KIAA1217: variants seen among roughly 807,000 people sequenced by gnomAD.
The protein encoded by KIAA1217 is sickle tail protein homolog.
KIAA1217 carries 88 observed loss-of-function variants against 163.9 expected under a neutral mutation model. That is an observed-to-expected ratio of 0.54 (90% confidence interval 0.45 to 0.64). KIAA1217 has a LOEUF of 0.64. Ranked by LOEUF, KIAA1217 falls within the 30% of genes least tolerant of loss-of-function variation. The pLI is 0.00. For missense variants in KIAA1217, 2,372 were observed against 2,475.0 expected, an observed-to-expected ratio of 0.96 and a Z score of 0.88; for synonymous variants, 903 against 923.1, an observed-to-expected ratio of 0.98 and a Z score of 0.39.
intron 2 of KIAA1217, among the ~76,000 whole-genome samples, chr10:24,073,143 A>G (rs970187540): frequency 6.6e-5 from 10 of 152,138 alleles, no homozygotes; most frequent in African/African-American, 2.4e-4. Flanking sequence ...AGAACCAAGC[A>G]TACTCAATTT....
intron 1 of KIAA1217, among the ~76,000 whole-genome samples, chr10:23,744,302 CA>C (rs1320099501): frequency 6.6e-6 from 1 of 152,132 alleles, no homozygotes; most frequent in Non-Finnish European, 1.5e-5. Context: ...TGGGTGACCC[CA>C]GAAGAGGATC....
rs146277797 is a variant in KIAA1217 at position 24,225,301 on chromosome 10, A to G, written c.354+5392A>G. Among the ~76,000 whole-genome samples, 560 of 152,134 alleles carry G rather than the reference A, an allele frequency of 3.7e-3. 3 individuals carry two copies. The highest frequency in any genetic ancestry group is 0.013 in the African/African-American group (531 of 41,504). ...CCACTTCTGGCCAGTTTTAAAAATT[A>G]TTTGTAGGGACAGGGTCTTGCTGTG... On this transcript the variant is annotated intron_variant, in intron 2 of 20. Transcript: ENST00000376454.
intron 1 of KIAA1217, among the ~76,000 whole-genome samples, chr10:23,881,846 C>T (rs926757309): frequency 6.6e-6 from 1 of 151,844 alleles, no homozygotes; most frequent in Non-Finnish European, 1.5e-5. Context: ...ATCCCCCATA[C>T]ACCCTTAAGA....
intron 3 of KIAA1217, among the ~76,000 whole-genome samples, chr10:24,389,082 G>A (rs1227570987): frequency 6.6e-6 from 1 of 152,014 alleles, no homozygotes; most frequent in African/African-American, 2.4e-5. Flanking sequence ...TATAAATCAT[G>A]CTGCTATAAA....
intron 1 of KIAA1217, among the ~76,000 whole-genome samples, chr10:23,776,734 G>A (rs908054564): frequency 3.0e-5 from 4 of 131,228 alleles, no homozygotes; most frequent in African/African-American, 8.8e-5. Flanking sequence ...AGGCTGGAAT[G>A]CAGTGGTGTG....
At chr10:23,912,376 G>T (rs921252440) in intron 1 of KIAA1217, among the ~76,000 whole-genome samples, 5 of 147,226 alleles carry the variant, frequency 3.4e-5, no homozygotes, top group African/African-American at 1.3e-4. Flanking sequence ...GGTTATACGT[G>T]CATGTTTGTT....
rs118075601 is a variant in KIAA1217 at position 24,211,233 on chromosome 10, G to C, written c.70+1970G>C. Among the ~76,000 whole-genome samples the C allele has an allele frequency of 1.0e-2, 1,518 of 152,228 alleles. 14 individuals carry two copies. The highest frequency in any genetic ancestry group is 0.026 in the South Asian group (123 of 4,818). ...GTTTTCAAAGAACAGCAAGAACATG[G>C]GAGAAGGATGGGAGGAAAAGAGATT... On this transcript the variant is annotated intron_variant, in intron 1 of 20. Coordinates refer to ENST00000376454, the MANE Select transcript of KIAA1217 (RefSeq NM_019590.5).
chr10:24,357,603 G>A (rs897348346), intron 2 of KIAA1217, among the ~76,000 whole-genome samples: 27 of 152,246 alleles, frequency 1.8e-4, no homozygotes, highest in South Asian at 2.1e-4. Flanking sequence ...ATAATGAGAG[G>A]GAAATAGAAA....
intron 2 of KIAA1217, among the ~76,000 whole-genome samples, chr10:24,261,202 T>C (rs191164548): frequency 2.0e-5 from 3 of 152,256 alleles, no homozygotes; most frequent in South Asian, 4.1e-4. Context: ...CATTGTCTTA[T>C]AGGAGTGCAT....
Position 24,377,757 on chromosome 10 carries a change from A to G in KIAA1217, c.355-3112A>G, listed in dbSNP as rs542811978. On this transcript the variant is annotated intron_variant, in intron 2 of 20. Transcript: ENST00000376454. ...AATAATGGGAACTATGATTATGGAA[A>G]TAAGCTCCAGAGAGTTTAGCTTTCT... Among the ~76,000 whole-genome samples the G allele has an allele frequency of 2.6e-5, 4 of 152,342 alleles. No homozygotes were observed. In the South Asian group the frequency reaches 8.3e-4, roughly 32 times the overall value.
At chr10:24,008,158 T>TTATA (rs1259346098) in intron 2 of KIAA1217, among the ~76,000 whole-genome samples, 1 of 148,248 alleles carries the variant, frequency 6.7e-6, no homozygotes, top group East Asian at 2.0e-4. Context: ...AGGTAGGAAA[T>TTATA]TAGATAGATA....
chr10:23,862,918 A>G (rs920748313), intron 1 of KIAA1217, among the ~76,000 whole-genome samples: 18 of 152,188 alleles, frequency 1.2e-4, no homozygotes, highest in Non-Finnish European at 2.4e-4. Flanking sequence ...CTTTGCTCTG[A>G]AAGCCATTGA....
intron 1 of KIAA1217, among the ~76,000 whole-genome samples, chr10:23,858,424 A>G (rs1323599603): frequency 6.6e-6 from 1 of 152,062 alleles, no homozygotes; most frequent in Non-Finnish European, 1.5e-5. Flanking sequence ...ACAACAGCAT[A>G]TATATATGCT....
chr10:24,349,902 C>A (rs1234203569), intron 2 of KIAA1217, among the ~76,000 whole-genome samples: 1 of 152,086 alleles, frequency 6.6e-6, no homozygotes, highest in Non-Finnish European at 1.5e-5. Flanking sequence ...ACTCAGAATG[C>A]CTTTAACCCA....
intron 11 of KIAA1217, among the ~76,000 whole-genome samples, chr10:24,521,049 T>G (rs201671749): frequency 0.07 from 10,244 of 146,102 alleles, 880 homozygotes; most frequent in East Asian, 0.39. Context: ...AAAGTTTTTT[T>G]TTTTTTTTTT....
At chr10:24,542,800 A>G in intron 18 of KIAA1217, 30 bp downstream of exon 18, 1 of 1,612,748 alleles carries the variant, frequency 6.2e-7, no homozygotes, top group South Asian at 1.1e-5. Context: ...GTTCCGACCA[A>G]TACCATGCAC....
chr10:23,798,583 GAATC>G (rs1836318780), intron 1 of KIAA1217, among the ~76,000 whole-genome samples: 1 of 152,154 alleles, frequency 6.6e-6, no homozygotes, highest in Admixed American at 6.5e-5. Context: ...GTTTTGCTGT[GAATC>G]AATCAGGAAA....
chr10:23,833,348 CTG>C (rs1838299424), intron 1 of KIAA1217, among the ~76,000 whole-genome samples: 1 of 152,010 alleles, frequency 6.6e-6, no homozygotes, highest in Non-Finnish European at 1.5e-5. Context: ...CAGAGTGTGA[CTG>C]TGATTGCCTG....
At position 23,980,105 on chromosome 10, in the gene KIAA1217, C is replaced by T. The variant is rs191888327; in HGVS notation, c.-320-27120C>T. 1.6e-3 allele frequency among the ~76,000 whole-genome samples: 248 copies of T among 152,272 alleles called. 3 individuals are homozygous for T. In the South Asian group the frequency reaches 0.024, roughly 15 times the overall value. On this transcript the variant is annotated intron_variant, in intron 1 of 18. Coordinates refer to the KIAA1217 transcript ENST00000376462. ...TGTTCCTTGGTCCTTTGCAGATTCT[C>T]ATTTTCCTGTGTGATCCTTTCCTCC...
Sources: gnomAD v4.1 joint callset for allele counts (sites outside exome capture counted in the v4.1 genomes callset) on GRCh38, gnomAD v4.1.1 for gene constraint, MANE v1.5 for transcripts, NCBI Gene and HGNC (gene_info 2026-07-23, HGNC 2026-07-21) for gene names.